Variants in USP20 observed in about 807,000 individuals in gnomAD.
USP20 encodes ubiquitin specific peptidase 20.
USP20 carries 80 observed loss-of-function variants against 124.2 expected under a neutral mutation model. The observed-to-expected ratio is 0.64, with a 90% CI of 0.54 to 0.78. The LOEUF is 0.78. USP20 is among the 30% of genes least tolerant of loss of function. The pLI is 0.00. For missense variants in USP20, 1,043 were observed against 1,244.4 expected, an observed-to-expected ratio of 0.84 and a Z score of 2.44; for synonymous variants, 481 against 512.3, an observed-to-expected ratio of 0.94 and a Z score of 0.83.
chr9:129,841,514 G>A (rs533352859), intron 1 of USP20, among the ~76,000 whole-genome samples: 1 of 152,294 alleles, frequency 6.6e-6, no homozygotes, highest in African/African-American at 2.4e-5. Context: ...CCACACTCAG[G>A]CATGCTGGTT....
chr9:129,869,325 C>G lies in USP20; in HGVS notation c.1292C>G (p.Ala431Gly), dbSNP rs1296458028. ...GTGTCCCCAGCCCAGGTATTGAGTG[C>G]TGGCAGCCGGAGGCGGAAGGAGCAG... ...YVLKKAQVLS[A>G]GSRRRKEQRY... The change falls in exon 13 of 26, where the codon GCT becomes GGT. Residue 431 changes from alanine to glycine, a missense_variant. Transcript: ENST00000372429. 7 of 1,613,658 alleles carry G rather than the reference C, an allele frequency of 4.3e-6. No homozygotes were observed. In the South Asian group the frequency reaches 4.4e-5, roughly 10 times the overall value.
rs146544149 is a variant in USP20 at position 129,875,973 on chromosome 9, G to A, written c.2301-157G>A. ...CCTTGGGCTGTGGGCGCGCTGCTCC[G>A]TTGCAGGCTCTGTGGTGCTCACACA... On this transcript the variant is annotated intron_variant, in intron 21 of 25. Coordinates refer to ENST00000372429, the MANE Select transcript of USP20 (RefSeq NM_001110303.4). Among the ~76,000 whole-genome samples, 5 of 152,396 alleles carry A rather than the reference G, an allele frequency of 3.3e-5. No individual in the cohort carries two copies. The East Asian group carries it at 5.8e-4, about 18-fold the overall frequency.
chr9:129,877,972 T>G (rs1038257599), intron 22 of USP20, among the ~76,000 whole-genome samples: 1 of 151,942 alleles, frequency 6.6e-6, no homozygotes, highest in Non-Finnish European at 1.5e-5. Flanking sequence ...CTCAAGAGGC[T>G]GAGGTGGGAG....
rs981026853 is a variant in USP20 at position 129,879,936 on chromosome 9, T to C, written c.2585-177T>C. On this transcript the variant is annotated intron_variant, in intron 24 of 25. Transcript: ENST00000372429. The surrounding 1 kb of genome is among the most constrained non-coding windows in gnomAD (Gnocchi z 4.2). ...GCCAGAGATGTGTTATCCGGGGCCC[T>C]TAGCGGGATGGACATTCCTCTGGGA... 1.3e-5 allele frequency among the ~76,000 whole-genome samples: 2 copies of C among 152,012 alleles called. No individual in the cohort carries two copies. Among genetic ancestry groups the C allele is most frequent in the South Asian group, 4.2e-4 (2 of 4,806 alleles).
rs760792276 is a variant in USP20, at chr9:129,865,350, T to A, written c.659T>A (p.Val220Asp). 10 of 1,614,152 alleles carry A rather than the reference T, an allele frequency of 6.2e-6. No individual in the cohort carries two copies. Among genetic ancestry groups the A allele is most frequent in the Non-Finnish European group, 8.5e-6 (10 of 1,180,012 alleles). Residue 220 changes from valine (V) to aspartate (D), a missense_variant, in exon 10 of 26, where the codon GTC becomes GAC. Physicochemically the swap from Val to Asp is radical, Grantham distance 152. Transcript: ENST00000372429. The part of the protein sequence containing the change: ...PTSLSHGIKL[V>D]NPMFRGYAQQ... ...AGTCTGTCTCATGGGATCAAGTTGGTCAACCCAATGTTCCGAGGCTATGCC... is the reference window on the plus strand; with the variant it reads ...AGTCTGTCTCATGGGATCAAGTTGGACAACCCAATGTTCCGAGGCTATGCC...
intron 21 of USP20, 82 bp from the exon 22 acceptor site, chr9:129,876,048 G>T (rs1233749949): frequency 7.9e-7 from 1 of 1,263,556 alleles, no homozygotes; most frequent in Non-Finnish European, 1.1e-6. Context: ...GATGGCTTGA[G>T]GGGGAAGTGG....
chr9:129,866,801 TGAAAG>T (rs1295632196), intron 10 of USP20, among the ~76,000 whole-genome samples: 1 of 152,188 alleles, frequency 6.6e-6, no homozygotes, highest in Non-Finnish European at 1.5e-5. Flanking sequence ...GTACTTTTGT[TGAAAG>T]GAAGAACCAG....
At position 129,868,064 on chromosome 9, in the gene USP20, G is replaced by A. The variant is rs368480426; in HGVS notation, c.750G>A (p.Pro250=). The stretch of plus-strand genomic sequence containing the variant: ...AGCTGCACGAGGAGCTCAAGGAGCC[G>A]GTGGTGGCCACGGTGGCGCTGACGG... ...MDQLHEELKE[P]VVATVALTEA... is the part of the protein sequence containing the mutation. The change falls in exon 11 of 26, where the codon CCG becomes CCA. Residue 250 remains proline, a synonymous_variant. Coordinates refer to ENST00000372429, the MANE Select transcript of USP20 (RefSeq NM_001110303.4). 29 of 1,613,998 alleles carry A rather than the reference G, an allele frequency of 1.8e-5. No homozygotes were observed. Among genetic ancestry groups the A allele is most frequent in the African/African-American group, 4.0e-5 (3 of 74,920 alleles).
At position 129,868,187 on chromosome 9, in the gene USP20, C is replaced by G. The variant is rs758400237; in HGVS notation, c.873C>G (p.Asp291Glu). The change falls in exon 11 of 26, where the codon GAC (aspartate) becomes GAG (glutamate). Residue 291 changes from aspartate to glutamate, a missense_variant. By Grantham distance (45) the Asp-to-Glu change is conservative (BLOSUM62 2). Coordinates refer to ENST00000372429, the MANE Select transcript of USP20 (RefSeq NM_001110303.4). ...TCTTGTCCTGTGACTCGAGCAGTGA[C>G]CGGGGTGAGGGTGACGGGCAGGGGC... ...DEFLSCDSSS[D>E]RGEGDGQGRG... 1.9e-6 allele frequency: 3 copies of G among 1,614,032 alleles called. No individual in the cohort carries two copies. In the South Asian group the frequency reaches 3.3e-5, roughly 18 times the overall value.
rs530632719 is a variant in USP20 at position 129,881,699 on chromosome 9, C to G, written c.*1249C>G. 6.6e-6 allele frequency: 1 copy of G among 152,294 alleles called. No homozygotes were observed. Among genetic ancestry groups the G allele is most frequent in the Admixed American group, 6.5e-5 (1 of 15,294 alleles). The allele number at this position is 152,294 out of a possible 1,614,324, so 9.4% of individuals were successfully genotyped here. ...TTGGCCCCAGCCTTCTGAAAGCCGG[C>G]GCTGCAGCCAGAGGCCGCACGCTGC... On this transcript the variant is annotated 3_prime_UTR_variant, in exon 26 of 26. Coordinates refer to ENST00000372429, the MANE Select transcript of USP20 (RefSeq NM_001110303.4).
chr9:129,856,695 G>A (rs2033235242), intron 4 of USP20, among the ~76,000 whole-genome samples: 1 of 152,236 alleles, frequency 6.6e-6, no homozygotes, highest in South Asian at 2.1e-4. Flanking sequence ...TGGCACTGCT[G>A]CTCAGCAGCG....
chr9:129,849,288 G>A (rs988129975), intron 1 of USP20, among the ~76,000 whole-genome samples: 1 of 152,190 alleles, frequency 6.6e-6, no homozygotes, highest in African/African-American at 2.4e-5. Flanking sequence ...CTGCCCCTGC[G>A]TGCCAGCTCT....
chr9:129,868,158 G>A lies in USP20; in HGVS notation c.844G>A (p.Glu282Lys). 1.2e-6 allele frequency: 2 copies of A among 1,614,148 alleles called. No homozygotes were observed. The highest frequency in any genetic ancestry group is 1.7e-6 in the Non-Finnish European group (2 of 1,180,002). ...REGDRSPSED[E>K]FLSCDSSSDR... Reference sequence around the variant, plus strand: ...GGGTGACCGGAGCCCATCAGAAGATGAGTTCTTGTCCTGTGACTCGAGCAG... The same window carrying A: ...GGGTGACCGGAGCCCATCAGAAGATAAGTTCTTGTCCTGTGACTCGAGCAG... Residue 282 changes from glutamate (E) to lysine (K), a missense_variant, in exon 11 of 26, where the codon GAG becomes AAG. By Grantham distance (56) the Glu-to-Lys change is moderately conservative (BLOSUM62 1). Transcript: ENST00000372429.
intron 1 of USP20, among the ~76,000 whole-genome samples, chr9:129,837,617 T>C (rs11791779): frequency 0.19 from 28,573 of 152,218 alleles, 3,212 homozygotes; most frequent in South Asian, 0.26. Context: ...GTTGAGTGTA[T>C]GTTCTCACAG....
At chr9:129,862,927 A>ATAATAAT (rs1554747232) in intron 8 of USP20, among the ~76,000 whole-genome samples, 2,818 of 150,636 alleles carry the variant, frequency 0.019, 100 homozygotes, top group African/African-American at 0.066. Flanking sequence ...AATAATAATA[A>ATAATAAT]AAAAATAAGG....
Position 129,878,436 on chromosome 9 carries a change from C to A in USP20, c.2508C>A (p.Asp836Glu). 1 of 1,604,864 alleles carries A rather than the reference C, an allele frequency of 6.2e-7. No individual in the cohort carries two copies. Among genetic ancestry groups the A allele is most frequent in the Non-Finnish European group, 8.5e-7 (1 of 1,174,778 alleles). ...GGGAGGCGTTCGTCAAGGGGAAGGA[C>A]AACGGTGAGCTGAGGGGGGACCTGG... ...REWEAFVKGK[D>E]NEPPGPIDNS... is the part of the protein sequence containing the mutation. The change falls in exon 23 of 26, where the codon GAC becomes GAA. Residue 836 changes from aspartate (D) to glutamate (E), a missense_variant. Transcript: ENST00000372429.
intron 4 of USP20, among the ~76,000 whole-genome samples, chr9:129,856,821 T>C (rs1471461074): frequency 6.6e-6 from 1 of 152,088 alleles, no homozygotes; most frequent in African/African-American, 2.4e-5. Flanking sequence ...AGGGTAGAAC[T>C]GGACAAGACG....
intron 22 of USP20, among the ~76,000 whole-genome samples, chr9:129,877,393 C>T (rs2131102489): frequency 6.6e-6 from 1 of 152,174 alleles, no homozygotes; most frequent in African/African-American, 2.4e-5. Flanking sequence ...GTGATGTGTA[C>T]CTGTAGTCCC....
chr9:129,859,112 G>T (rs914201209), intron 6 of USP20, among the ~76,000 whole-genome samples: 4 of 151,574 alleles, frequency 2.6e-5, no homozygotes, highest in African/African-American at 9.7e-5. Context: ...CAACCTTAGA[G>T]ATGGCAGGTC....
Sources: allele counts gnomAD v4.1 joint callset (sites outside exome capture counted in the v4.1 genomes callset), GRCh38; gene constraint gnomAD v4.1.1; non-coding constraint Gnocchi (gnomAD v3.1); transcripts MANE v1.5; gene names NCBI Gene and HGNC (gene_info 2026-07-23, HGNC 2026-07-21).